The following LEKR1 variants were observed in gnomAD, a reference collection of about 807,000 sequenced individuals.
The protein encoded by LEKR1 is leucine, glutamate and lysine rich 1, also known as protein LEKR1.
Under a neutral mutation model 72.4 loss-of-function variants are expected in LEKR1, and 59 were observed. That is an observed-to-expected ratio of 0.82 (90% confidence interval 0.66 to 1.01). The LOEUF (loss-of-function observed/expected upper bound fraction) is 1.01, where lower values mean the gene tolerates loss of function less well. Among genes scored for constraint, LEKR1 ranks in the 50% least tolerant of loss-of-function variants. LEKR1 has a pLI of 0.00. For missense variants in LEKR1, 728 were observed against 759.2 expected (o/e 0.96, Z 0.48); for synonymous variants, 257 against 263.2 (o/e 0.98, Z 0.23).
At chr3:156,882,812 C>G (rs1576734134) in intron 3 of LEKR1, among the ~76,000 whole-genome samples, 2 of 152,034 alleles carry the variant, frequency 1.3e-5, no homozygotes, top group South Asian at 4.1e-4. Flanking sequence ...CCATGGAATA[C>G]TATGCAGCCA....
chr3:156,992,543 A>G, intron 7 of LEKR1, 110 bp from the exon 8 acceptor site: 1 of 206,800 alleles, frequency 4.8e-6, no homozygotes, highest in Non-Finnish European at 9.8e-6. Flanking sequence ...AACAAATAAT[A>G]ATATGAAGAT....
At chr3:156,902,226 T>C (rs1722109104) in intron 3 of LEKR1, among the ~76,000 whole-genome samples, 1 of 152,138 alleles carries the variant, frequency 6.6e-6, no homozygotes, top group African/African-American at 2.4e-5. Flanking sequence ...AAAAATCTTG[T>C]TTTCACTGTG....
chr3:156,987,708 C>T (rs1730816536), intron 7 of LEKR1, among the ~76,000 whole-genome samples: 1 of 152,058 alleles, frequency 6.6e-6, no homozygotes, highest in South Asian at 2.1e-4. Context: ...GAATGTTTTA[C>T]ATATAAGACA....
intron 3 of LEKR1, among the ~76,000 whole-genome samples, chr3:156,867,274 T>C (rs2108544819): frequency 6.6e-6 from 1 of 152,216 alleles, no homozygotes; most frequent in Non-Finnish European, 1.5e-5. Context: ...AATTGGAAAC[T>C]TTTTGAGTAA....
At position 157,045,363 on chromosome 3, in the gene LEKR1, G is replaced by A. The variant is rs1363298895; in HGVS notation, c.1692G>A (p.Val564=). Residue 564 remains valine (V), a synonymous_variant, in exon 13 of 13, where the codon GTG becomes GTA. Coordinates refer to ENST00000356539, the MANE Select transcript of LEKR1 (RefSeq NM_001004316.3). ...QEENTFLQET[V]RRECEERFEL... ...AGAATACTTTTCTTCAGGAGACAGTGCGTAGAGAATGTGAAGAACGCTTTG... is the reference window on the plus strand; with the variant it reads ...AGAATACTTTTCTTCAGGAGACAGTACGTAGAGAATGTGAAGAACGCTTTG... The A allele has an allele frequency of 7.4e-6, 12 of 1,613,690 alleles. No individual in the cohort carries two copies. The highest frequency in any genetic ancestry group is 5.0e-5 in the Admixed American group (3 of 59,968).
chr3:156,967,942 C>T (rs151042228), intron 6 of LEKR1, among the ~76,000 whole-genome samples: 2 of 152,192 alleles, frequency 1.3e-5, no homozygotes, highest in African/African-American at 4.8e-5. Context: ...AGAAACTCTA[C>T]AAGCCAGAAG....
At chr3:156,845,289 C>T (rs1230171562) in intron 2 of LEKR1, among the ~76,000 whole-genome samples, 1 of 151,730 alleles carries the variant, frequency 6.6e-6, no homozygotes, top group Non-Finnish European at 1.5e-5. Flanking sequence ...TGTAGCTTGT[C>T]TTTTAATCCT....
chr3:157,037,697 A>G (rs1214003582), intron 12 of LEKR1, among the ~76,000 whole-genome samples: 1 of 152,222 alleles, frequency 6.6e-6, no homozygotes, highest in African/African-American at 2.4e-5. Context: ...TTATGCATTC[A>G]TTTAACAGGT....
intron 6 of LEKR1, among the ~76,000 whole-genome samples, chr3:156,965,316 A>G (rs765210535): frequency 5.3e-5 from 8 of 152,106 alleles, no homozygotes; most frequent in African/African-American, 9.7e-5. Context: ...AATTATCTTC[A>G]TGTTATATTG....
At chr3:156,917,906 G>A (rs189014749) in intron 3 of LEKR1, among the ~76,000 whole-genome samples, 3 of 152,068 alleles carry the variant, frequency 2.0e-5, no homozygotes, top group Non-Finnish European at 4.4e-5. Flanking sequence ...TATAGCAGGG[G>A]AATAGAAAGC....
chr3:157,012,560 T>C (rs1369495947), intron 10 of LEKR1, among the ~76,000 whole-genome samples: 1 of 152,104 alleles, frequency 6.6e-6, no homozygotes, highest in Non-Finnish European at 1.5e-5. Context: ...CAATTTTAAA[T>C]TTGTCACTTT....
rs531181430 is a variant in LEKR1 at position 156,991,878 on chromosome 3, A to G, written c.828-775A>G. ...GTAACACTTTTCTGAATACTTTTTT[A>G]CTATGTTCTGGACATTGTGAACATT... On this transcript the variant is annotated intron_variant, in intron 7 of 12. Coordinates refer to ENST00000356539, the MANE Select transcript of LEKR1 (RefSeq NM_001004316.3). Among the ~76,000 whole-genome samples the G allele has an allele frequency of 2.1e-3, 319 of 152,250 alleles. 3 individuals carry two copies. The highest frequency in any genetic ancestry group is 7.5e-3 in the African/African-American group (312 of 41,554).
At chr3:156,826,974 T>G (rs1711687743) in intron 1 of LEKR1, 2 of 155,180 alleles carry the variant, frequency 1.3e-5, no homozygotes, top group African/African-American at 4.8e-5. Context: ...TTTTCGGTGA[T>G]CTTGTTAGAG....
intron 12 of LEKR1, among the ~76,000 whole-genome samples, chr3:157,044,663 A>T (rs976793324): frequency 6.6e-6 from 1 of 152,232 alleles, no homozygotes; most frequent in Non-Finnish European, 1.5e-5. Context: ...CAGGGACTGT[A>T]TTCACTACAG....
chr3:157,018,488 A>G (rs536262470), intron 10 of LEKR1, among the ~76,000 whole-genome samples: 25 of 152,340 alleles, frequency 1.6e-4, no homozygotes, highest in African/African-American at 5.3e-4. Context: ...TCTGACCACA[A>G]TGAAATAAAA....
chr3:156,906,983 G>A (rs1296065036), intron 3 of LEKR1, among the ~76,000 whole-genome samples: 2 of 151,972 alleles, frequency 1.3e-5, no homozygotes, highest in African/African-American at 4.8e-5. Context: ...TTATAATTTA[G>A]CAGTGTACTA....
intron 7 of LEKR1, chr3:156,988,739 G>T (rs759224960): frequency 6.0e-5 from 12 of 198,692 alleles, no homozygotes; most frequent in Non-Finnish European, 1.3e-4. Context: ...ATGTATCTTT[G>T]ATGTATCTTT....
intron 2 of LEKR1, among the ~76,000 whole-genome samples, chr3:156,847,872 G>T (rs1335190372): frequency 1.3e-5 from 2 of 151,998 alleles, no homozygotes; most frequent in Non-Finnish European, 2.9e-5. Context: ...AAAATGTATT[G>T]CTTCACATAA....
chr3:156,829,097 G>A (rs1424195899), intron 1 of LEKR1, among the ~76,000 whole-genome samples, 189 bp from the exon 2 acceptor site: 1 of 152,144 alleles, frequency 6.6e-6, no homozygotes, highest in Non-Finnish European at 1.5e-5. Context: ...GTTCTCTCCT[G>A]TTCTATTGGC....
Sources: gnomAD v4.1 joint callset for allele counts (sites outside exome capture counted in the v4.1 genomes callset) on GRCh38, gnomAD v4.1.1 for gene constraint, MANE v1.5 for transcripts, NCBI Gene and HGNC (gene_info 2026-07-23, HGNC 2026-07-21) for gene names.